The following LRRC28 variants were observed in gnomAD, a reference collection of about 807,000 sequenced individuals.
The protein encoded by LRRC28 is leucine-rich repeat-containing protein 28.
LRRC28 carries 39 observed loss-of-function variants against 45.7 expected under a neutral mutation model. That is an observed-to-expected ratio of 0.85 (90% CI 0.66 to 1.12). The LOEUF (loss-of-function observed/expected upper bound fraction) is 1.12. Ranked by LOEUF, LRRC28 falls within the 50% of genes most tolerant of loss-of-function variation. The pLI, the probability that LRRC28 is intolerant of heterozygous loss-of-function variation, is 0.00. For missense variants in LRRC28, 435 were observed against 438.5 expected, an observed-to-expected ratio of 0.99 and a Z score of 0.07; for synonymous variants, 206 against 178.8, an observed-to-expected ratio of 1.15 and a Z score of -1.22.
chr15:99,297,493 GC>G, intron 5 of LRRC28, among the ~76,000 whole-genome samples: 1 of 150,258 alleles, frequency 6.7e-6, no homozygotes, highest in Non-Finnish European at 1.5e-5. Flanking sequence ...CAAACTCCTG[GC>G]CTCAAGTGAT....
chr15:99,357,914 G>A (rs1957090964), intron 7 of LRRC28, among the ~76,000 whole-genome samples: 1 of 152,016 alleles, frequency 6.6e-6, no homozygotes, highest in South Asian at 2.1e-4. Context: ...TCAGGAATAG[G>A]AGAGGAGTGA....
chr15:99,327,935 A>G (rs1956037795), intron 5 of LRRC28, among the ~76,000 whole-genome samples: 1 of 152,098 alleles, frequency 6.6e-6, no homozygotes, highest in Admixed American at 6.6e-5. Context: ...TGGCAAAAAT[A>G]TTTTCAAAGT....
At chr15:99,311,709 AACAGAATCTGT>A (rs1955419307) in intron 5 of LRRC28, among the ~76,000 whole-genome samples, 1 of 152,220 alleles carries the variant, frequency 6.6e-6, no homozygotes, top group Non-Finnish European at 1.5e-5. Context: ...AAGAATATGC[AACAGAATCTGT>A]ACATGGCTTG....
intron 9 of LRRC28, among the ~76,000 whole-genome samples, chr15:99,377,060 A>G (rs1957661455): frequency 6.6e-6 from 1 of 152,202 alleles, no homozygotes; most frequent in South Asian, 2.1e-4. Flanking sequence ...GTATATACCC[A>G]GTAATGGGAT....
intron 9 of LRRC28, among the ~76,000 whole-genome samples, chr15:99,371,294 A>G (rs1327274888): frequency 6.6e-6 from 1 of 152,152 alleles, no homozygotes; most frequent in Non-Finnish European, 1.5e-5. Context: ...CAATCAGGCC[A>G]CTTTCAAGCT....
chr15:99,352,632 G>T (rs1956920816), intron 7 of LRRC28, 161 bp downstream of exon 7: 1 of 531,618 alleles, frequency 1.9e-6, no homozygotes, highest in Non-Finnish European at 3.3e-6. Context: ...GGTTCAGTCA[G>T]TAAGTTATTA....
intron 2 of LRRC28, among the ~76,000 whole-genome samples, chr15:99,270,373 T>C (rs2081442715): frequency 6.6e-6 from 1 of 152,172 alleles, no homozygotes; most frequent in African/African-American, 2.4e-5. Context: ...TCCAAACATT[T>C]CGTTCACTCC....
intron 7 of LRRC28, among the ~76,000 whole-genome samples, chr15:99,357,498 C>T (rs970591767): frequency 6.6e-6 from 1 of 152,178 alleles, no homozygotes; most frequent in South Asian, 2.1e-4. Context: ...AACCTTCATG[C>T]TGTTCAAAAA....
Position 99,386,781 on chromosome 15 carries a change from C to G in LRRC28, c.*679C>G, listed in dbSNP as rs1191408171. ...TGTAGATTGTAATGAAATACACTTC[C>G]TGTTTTTTAAAAGTGTTTGCAGAAA... On this transcript the variant is annotated 3_prime_UTR_variant, in exon 10 of 10. Transcript: ENST00000301981. 6.6e-6 allele frequency: 1 copy of G among 152,098 alleles called. No individual in the cohort carries two copies. The highest frequency in any genetic ancestry group is 1.5e-5 in the Non-Finnish European group (1 of 68,022). The allele number at this position is 152,098 out of a possible 1,614,324, so 9.4% of individuals were successfully genotyped here. A position where few individuals can be genotyped will look rare whatever the true frequency, so the allele number is the denominator to read the frequency against.
chr15:99,283,009 C>T (rs889953414), intron 3 of LRRC28, among the ~76,000 whole-genome samples: 1 of 152,098 alleles, frequency 6.6e-6, no homozygotes, highest in Non-Finnish European at 1.5e-5. Context: ...TCTTCTGCCT[C>T]AGCCTCCCAG....
At chr15:99,285,144 C>G in intron 3 of LRRC28, 1 of 720,496 alleles carries the variant, frequency 1.4e-6, no homozygotes, top group South Asian at 1.4e-5. Context: ...AATCAAAGCC[C>G]CTTTTCTTGT....
chr15:99,383,097 G>A (rs187547532), intron 9 of LRRC28, among the ~76,000 whole-genome samples: 237 of 152,206 alleles, frequency 1.6e-3, no homozygotes, highest in African/African-American at 5.6e-3. Context: ...CGGAAACCCT[G>A]AACATTTAGC....
intron 3 of LRRC28, among the ~76,000 whole-genome samples, chr15:99,283,456 A>C (rs1327976038): frequency 6.6e-6 from 1 of 151,146 alleles, no homozygotes; most frequent in East Asian, 2.0e-4. Flanking sequence ...TACTGAAAAT[A>C]CAAAAAAAAA....
At chr15:99,362,770 T>C (rs1957238121) in intron 8 of LRRC28, among the ~76,000 whole-genome samples, 1 of 152,230 alleles carries the variant, frequency 6.6e-6, no homozygotes. Context: ...CTGACTCTTA[T>C]TAAAGTTTCA....
intron 3 of LRRC28, among the ~76,000 whole-genome samples, chr15:99,282,981 C>T (rs898710934): frequency 2.0e-5 from 3 of 152,140 alleles, no homozygotes; most frequent in Non-Finnish European, 4.4e-5. Context: ...CAACCTCCGC[C>T]TCCTGGGTTC....
intron 6 of LRRC28, among the ~76,000 whole-genome samples, chr15:99,335,603 G>A (rs1455564888): frequency 1.3e-5 from 2 of 152,256 alleles, no homozygotes; most frequent in Admixed American, 1.3e-4. Context: ...GATGCAGTGA[G>A]CTATGACTGT....
rs146921205 is a variant in LRRC28, at chr15:99,386,037, A to G, written c.1039A>G (p.Thr347Ala). The change falls in exon 10 of 10, where the codon ACT (threonine) becomes GCT (alanine). Residue 347 changes from threonine to alanine, a missense_variant. Physicochemically the swap from Thr to Ala is moderately conservative, Grantham distance 58. Transcript: ENST00000301981. ...PMAGLHQWKTTVSFVAYCCST... is the reference protein window; with the variant it reads ...PMAGLHQWKTAVSFVAYCCST... ...CCCTTTTTCCCCTTCCAGGAAGACA[A>G]CTGTTAGTTTTGTGGCTTACTGCTG... is the stretch of plus-strand genomic sequence containing the variant. 62 of 1,613,856 alleles carry G rather than the reference A, an allele frequency of 3.8e-5. No homozygotes were observed. The highest frequency in any genetic ancestry group is 2.2e-5 in the East Asian group (1 of 44,898).
intron 2 of LRRC28, among the ~76,000 whole-genome samples, chr15:99,266,744 ATT>A (rs1177766068): frequency 6.6e-6 from 1 of 152,220 alleles, no homozygotes; most frequent in African/African-American, 2.4e-5. Context: ...TCAATAATGG[ATT>A]TGTTAAAATA....
intron 6 of LRRC28, among the ~76,000 whole-genome samples, chr15:99,349,784 A>G (rs1052670468): frequency 1.3e-5 from 2 of 152,242 alleles, no homozygotes; most frequent in African/African-American, 2.4e-5. Flanking sequence ...TGAACAGGCA[A>G]TTTACAAAAT....
Sources: allele counts gnomAD v4.1 joint callset (sites outside exome capture counted in the v4.1 genomes callset), GRCh38; gene constraint gnomAD v4.1.1; transcripts MANE v1.5; gene names NCBI Gene and HGNC (gene_info 2026-07-23, HGNC 2026-07-21).